Variants in ELOA observed in about 807,000 individuals in gnomAD.
ELOA encodes elongin A, also known as elongin-A.
Under a neutral mutation model 85.2 loss-of-function variants are expected in ELOA, and 15 were observed. The ratio of observed to expected loss-of-function variants is 0.18; its 90% confidence interval spans 0.12 to 0.27. The LOEUF (loss-of-function observed/expected upper bound fraction) is 0.27, where lower values mean the gene tolerates loss of function less well. Ranked by LOEUF, ELOA falls within the 10% of genes least tolerant of loss-of-function variation. The probability of loss-of-function intolerance (pLI) is 1.00; values close to 1 mark genes in which losing one functional copy is unlikely to be tolerated. For synonymous variants in ELOA, 348 were observed against 357.2 expected (o/e 0.97, Z 0.29); for missense variants, 769 against 952.7 (o/e 0.81, Z 2.54).
At position 23,743,536 on chromosome 1, in the gene ELOA, G is replaced by A; in HGVS notation, c.33G>A (p.Glu11=). Residue 11 remains glutamate (E), a synonymous_variant, in exon 1 of 11, where the codon GAG becomes GAA. Coordinates refer to ENST00000613537, the MANE Select transcript of ELOA (RefSeq NM_003198.3). ...CGGAGTCGGCGCTCCAAGTTGTGGAGAAGCTGCAGGCGCGCCTGGCCGCGA... is the reference window on the plus strand; with the variant it reads ...CGGAGTCGGCGCTCCAAGTTGTGGAAAAGCTGCAGGCGCGCCTGGCCGCGA... MAAESALQVV[E]KLQARLAANP... is the part of the protein sequence containing the mutation. 1.3e-6 allele frequency: 2 copies of A among 1,500,726 alleles called. No individual in the cohort carries two copies. Among genetic ancestry groups the A allele is most frequent in the Non-Finnish European group, 1.8e-6 (2 of 1,130,146 alleles). The allele number at this position is 1,500,726 out of a possible 1,614,324, so 93.0% of individuals were successfully genotyped here.
chr1:23,756,104 G>A lies in ELOA; in HGVS notation c.1972+81G>A, dbSNP rs114105961. ...AGCAGGGTGTTGGTGGGCTTGGCTG[G>A]TGTAGGACTGCTTGCCCCTACATCA... On this transcript the variant is annotated intron_variant, in intron 8 of 10. Transcript: ENST00000613537. The A allele has an allele frequency of 8.4e-5, 128 of 1,532,222 alleles. No individual in the cohort carries two copies. In the African/African-American group the frequency reaches 1.6e-3, roughly 19 times the overall value. 94.9% of individuals were successfully genotyped at this position (1,532,222 alleles called of 1,614,324 possible).
Position 23,752,035 on chromosome 1 carries a change from C to G in ELOA, c.1425+5C>G, listed in dbSNP as rs752652632. The stretch of plus-strand genomic sequence containing the variant: ...GATTTAGCCAAGCTGAGAAAGGTAA[C>G]CCCTTCAGCCCCTTGGTGGCTTCCC... On this transcript the variant is annotated splice_donor_5th_base_variant and intron_variant, in intron 4 of 10. Transcript: ENST00000613537. The G allele has an allele frequency of 6.3e-7, 1 of 1,579,368 alleles. No individual in the cohort carries two copies. The highest frequency in any genetic ancestry group is 1.2e-5 in the South Asian group (1 of 84,654).
In ELOA at chr1:23,761,022, C is replaced by G. The variant is rs1316563715; in HGVS notation, c.*1449C>G. On this transcript the variant is annotated 3_prime_UTR_variant, in exon 11 of 11. Coordinates refer to ENST00000613537, the MANE Select transcript of ELOA (RefSeq NM_003198.3). ...ACAGCCTGATAAGTTTTCTCAAAGC[C>G]CAGGATACAGAGCCAGTGTTTTCTG... is the stretch of plus-strand genomic sequence containing the variant. 6.6e-6 allele frequency: 1 copy of G among 152,078 alleles called. No individual in the cohort carries two copies. Among genetic ancestry groups the G allele is most frequent in the Non-Finnish European group, 1.5e-5 (1 of 68,026 alleles). The allele number at this position is 152,078 out of a possible 1,614,324, so 9.4% of individuals were successfully genotyped here.
chr1:23,756,862 G>A (rs1173395374), intron 9 of ELOA, 91 bp from the exon 10 acceptor site: 2 of 1,307,482 alleles, frequency 1.5e-6, no homozygotes, highest in Admixed American at 2.8e-5. Context: ...CAAACAGGGT[G>A]AGTCATCCTC....
Position 23,750,976 on chromosome 1 carries a change from A to G in ELOA, c.371A>G (p.Tyr124Cys), listed in dbSNP as rs771665936. The G allele has an allele frequency of 3.1e-6, 5 of 1,614,076 alleles. No individual in the cohort carries two copies. Among genetic ancestry groups the G allele is most frequent in the African/African-American group, 1.3e-5 (1 of 75,060 alleles). The part of the protein sequence containing the change: ...ETWKATGSRS[Y>C]SPDHRQKKHR... ...TGGAAAGCCACGGGGAGCCGATCCTATAGCCCTGACCACAGGCAGAAGAAA... is the reference window on the plus strand; with the variant it reads ...TGGAAAGCCACGGGGAGCCGATCCTGTAGCCCTGACCACAGGCAGAAGAAA... The change falls in exon 4 of 11, where the codon TAT becomes TGT. Residue 124 changes from tyrosine to cysteine, a missense_variant. Physicochemically the swap from Tyr to Cys is radical, Grantham distance 194. Coordinates refer to ENST00000613537, the MANE Select transcript of ELOA (RefSeq NM_003198.3).
Position 23,761,778 on chromosome 1 carries a change from G to A in ELOA, c.*2205G>A, listed in dbSNP as rs1252736392. 1 of 152,146 alleles carries A rather than the reference G, an allele frequency of 6.6e-6. No homozygotes were observed. The highest frequency in any genetic ancestry group is 1.5e-5 in the Non-Finnish European group (1 of 68,030). The allele number at this position is 152,146 out of a possible 1,614,324, so 9.4% of individuals were successfully genotyped here. A position where few individuals can be genotyped will look rare whatever the true frequency, so the allele number is the denominator to read the frequency against. ...TTTGGTCTCATTTATGGAAAAACTT[G>A]TGCAATTTTTTTTCTGTGCTACACT... On this transcript the variant is annotated 3_prime_UTR_variant, in exon 11 of 11. Transcript: ENST00000613537.
rs755357772 is a variant in ELOA at position 23,751,004 on chromosome 1, T to C, written c.399T>C (p.His133=). The stretch of plus-strand genomic sequence containing the variant: ...GCCCTGACCACAGGCAGAAGAAACA[T>C]AGGAAACTCTCGGAGCTCGAGAGAC... ...SYSPDHRQKK[H]RKLSELERPH... is the part of the protein sequence containing the mutation. The change falls in exon 4 of 11, where the codon CAT becomes CAC. Residue 133 remains histidine, a synonymous_variant. Coordinates refer to ENST00000613537, the MANE Select transcript of ELOA (RefSeq NM_003198.3). 3.1e-6 allele frequency: 5 copies of C among 1,613,754 alleles called. No homozygotes were observed. The South Asian group carries it at 3.3e-5, about 11-fold the overall frequency.
rs748304702 is a variant in ELOA at position 23,743,502 on chromosome 1, C to T, written c.-2C>T. 17 of 1,505,716 alleles carry T rather than the reference C, an allele frequency of 1.1e-5. No homozygotes were observed. Among genetic ancestry groups the T allele is most frequent in the Non-Finnish European group, 1.1e-5 (12 of 1,132,656 alleles). The allele number at this position is 1,505,716 out of a possible 1,614,324, so 93.3% of individuals were successfully genotyped here. ...GGCGAGGAGGCCGCGCCAGTGACAG[C>T]GATGGCGGCGGAGTCGGCGCTCCAA... On this transcript the variant is annotated 5_prime_UTR_variant, in exon 1 of 11. Coordinates refer to ENST00000613537, the MANE Select transcript of ELOA (RefSeq NM_003198.3).
At chr1:23,759,339 T>C (rs1245794189) in intron 10 of ELOA, among the ~76,000 whole-genome samples, 173 bp from the exon 11 acceptor site, 1 of 152,256 alleles carries the variant, frequency 6.6e-6, no homozygotes, top group Non-Finnish European at 1.5e-5. Flanking sequence ...CGAAAGTGTC[T>C]GCTCTGTGCT....
At chr1:23,746,231 C>T (rs1048319708) in intron 1 of ELOA, among the ~76,000 whole-genome samples, 35 of 148,300 alleles carry the variant, frequency 2.4e-4, no homozygotes, top group African/African-American at 5.2e-4. Flanking sequence ...GAGGTTGCAG[C>T]GAGCTGAGAT....
Position 23,756,328 on chromosome 1 carries a change from T to A in ELOA, c.2027T>A (p.Val676Asp). 1 of 1,581,784 alleles carries A rather than the reference T, an allele frequency of 6.3e-7. No individual in the cohort carries two copies. Among genetic ancestry groups the A allele is most frequent in the Non-Finnish European group, 8.6e-7 (1 of 1,163,592 alleles). The change falls in exon 9 of 11, where the codon GTC becomes GAC. Residue 676 changes from valine to aspartate, a missense_variant. Physicochemically the swap from Val to Asp is radical, Grantham distance 152 (BLOSUM62 -3). Coordinates refer to ENST00000613537, the MANE Select transcript of ELOA (RefSeq NM_003198.3). ...VNSVAKPPRD[V>D]RRRQEKFGTG... ...TCTGTGGCCAAGCCACCTCGTGACG[T>A]CCGGAGGAGGCAGGAAAAGTTTGGA...
At chr1:23,747,638 C>G (rs1453549402) in intron 1 of ELOA, among the ~76,000 whole-genome samples, 7 of 152,082 alleles carry the variant, frequency 4.6e-5, no homozygotes, top group Non-Finnish European at 8.8e-5. Flanking sequence ...GCTTGGGTGG[C>G]AAGAAACACA....
Position 23,759,861 on chromosome 1 carries a change from C to T in ELOA, c.*288C>T, listed in dbSNP as rs937120603. 7.7e-5 allele frequency: 28 copies of T among 364,792 alleles called. No homozygotes were observed. The East Asian group carries it at 9.5e-4, about 12-fold the overall frequency. The allele number at this position is 364,792 out of a possible 1,614,324, so 22.6% of individuals were successfully genotyped here. A position where few individuals can be genotyped will look rare whatever the true frequency, so the allele number is the denominator to read the frequency against. On this transcript the variant is annotated 3_prime_UTR_variant, in exon 11 of 11. Transcript: ENST00000613537. The stretch of plus-strand genomic sequence containing the variant: ...ATTAGCATCTTTGTAAACTATAAGA[C>T]GTAGTTTTAATTAATAAATATTGCC...
intron 2 of ELOA, 149 bp downstream of exon 2, chr1:23,749,226 A>G: frequency 1.4e-6 from 1 of 721,030 alleles, no homozygotes; most frequent in Non-Finnish European, 2.3e-6. Context: ...CATTTATATG[A>G]AATGTCCAGA....
intron 7 of ELOA, 102 bp from the exon 8 acceptor site, chr1:23,755,741 C>A: frequency 8.2e-7 from 1 of 1,215,250 alleles, no homozygotes; most frequent in Non-Finnish European, 1.1e-6. Context: ...AATTGCACCA[C>A]TGCACTGCAG....
chr1:23,759,290 G>A (rs539563335), intron 10 of ELOA, among the ~76,000 whole-genome samples: 41 of 152,366 alleles, frequency 2.7e-4, no homozygotes, highest in Admixed American at 1.5e-3. Flanking sequence ...TGGTGCAGGT[G>A]GTTAGAGAGA....
intron 1 of ELOA, among the ~76,000 whole-genome samples, chr1:23,748,285 G>T (rs1259059098): frequency 1.3e-5 from 2 of 151,774 alleles, no homozygotes; most frequent in Admixed American, 1.3e-4. Flanking sequence ...AGTTTGGGGA[G>T]GTTTTTGACT....
At chr1:23,749,520 C>T (rs1318421060) in intron 2 of ELOA, among the ~76,000 whole-genome samples, 3 of 152,098 alleles carry the variant, frequency 2.0e-5, no homozygotes, top group Non-Finnish European at 4.4e-5. Context: ...TAGGCTGTTC[C>T]TATGTAAAAT....
intron 1 of ELOA, among the ~76,000 whole-genome samples, chr1:23,744,615 G>A (rs1209089219): frequency 6.6e-6 from 1 of 152,012 alleles, no homozygotes; most frequent in Non-Finnish European, 1.5e-5. Flanking sequence ...ACCACGCCTG[G>A]CTAATTTTTG....
Sources: allele counts gnomAD v4.1 joint callset (sites outside exome capture counted in the v4.1 genomes callset), GRCh38; gene constraint gnomAD v4.1.1; transcripts MANE v1.5; gene names NCBI Gene and HGNC (gene_info 2026-07-23, HGNC 2026-07-21).